GABRE: variants seen among roughly 807,000 people sequenced by gnomAD.
GABRE encodes gamma-aminobutyric acid type A receptor subunit epsilon.
GABRE carries 20 observed loss-of-function variants against 31.0 expected under a neutral mutation model. The observed-to-expected ratio is 0.64, with a 90% CI of 0.45 to 0.94. GABRE has a LOEUF of 0.94. Ranked by LOEUF, GABRE falls within the 40% of genes least tolerant of loss-of-function variation. GABRE has a pLI of 0.00. For missense variants in GABRE, 420 were observed against 410.7 expected (o/e 1.02, Z -0.20); for synonymous variants, 155 against 150.6 (o/e 1.03, Z -0.21).
intron 6 of GABRE, chrX:151,956,097 C>A (rs1235485147): frequency 5.0e-6 from 2 of 401,071 alleles, no homozygotes; most frequent in Admixed American, 8.7e-5. Flanking sequence ...GCTTCCTTCT[C>A]AGTTCACTGT....
chrX:151,955,880 T>A lies in GABRE; in HGVS notation c.785-20A>T. ...AGTCACCTGAAAGACACAAAAAACA[T>A]CACTGCATTACAGTGCTGACACGAC... On this transcript the variant is annotated intron_variant, in intron 6 of 8. Transcript: ENST00000370328. 1.7e-6 allele frequency: 2 copies of A among 1,208,351 alleles called. No individual in the cohort carries two copies. Among genetic ancestry groups the A allele is most frequent in the Non-Finnish European group, 2.2e-6 (2 of 892,590 alleles).
intron 1 of GABRE, chrX:151,972,753 A>G (rs1934750231): frequency 1.7e-6 from 1 of 589,547 alleles, no homozygotes; most frequent in East Asian, 1.7e-4. Context: ...AACAAAACAA[A>G]ACCTCATCTT....
At chrX:151,973,027 G>T (rs138277660) in intron 1 of GABRE, among the ~76,000 whole-genome samples, 1,224 of 86,357 alleles carry the variant, frequency 0.014, 7 homozygotes, top group Middle Eastern at 0.05. Flanking sequence ...CATAAGAAAA[G>T]ATGTTGGATT....
In GABRE at chrX:151,970,199, C is replaced by A. The variant is rs146390765; in HGVS notation, c.260G>T (p.Arg87Leu). ...TILSNYDHKLRPGIGEKPTVV... is the reference protein window; with the variant it reads ...TILSNYDHKLLPGIGEKPTVV... ...CTGCTCCTCACCTCCAATGCCAGGG[C>A]GCAGTTTGTGGTCATAATTACTCAG... is the stretch of plus-strand genomic sequence containing the variant. The change falls in exon 2 of 9, where the codon CGC (arginine) becomes CTC (leucine). Residue 87 changes from arginine (R) to leucine (L), a missense_variant. By Grantham distance (102) the Arg-to-Leu change is moderately radical. Transcript: ENST00000370328. The A allele has an allele frequency of 2.5e-6, 3 of 1,210,168 alleles. No individual in the cohort carries two copies. In the South Asian group the frequency reaches 5.3e-5, roughly 21 times the overall value.
chrX:151,954,655 C>T lies in GABRE; in HGVS notation c.*46G>A. 1.9e-6 allele frequency: 2 copies of T among 1,051,274 alleles called. No individual in the cohort carries two copies. The highest frequency in any genetic ancestry group is 4.5e-5 in the South Asian group (2 of 44,127). 86.6% of individuals were successfully genotyped at this position (1,051,274 alleles called of 1,213,427 possible). ...AACTCCCTTGGCAAGGGGCTTGGAC[C>T]TCCTGGGGAACTGGAGAGGTTGCCC... On this transcript the variant is annotated 3_prime_UTR_variant, in exon 9 of 9. Transcript: ENST00000370328.
At position 151,974,613 on chromosome X, in the gene GABRE, CT is replaced by C; in HGVS notation, c.12del (p.Val5PhefsTer6). 2.5e-6 allele frequency: 3 copies of C among 1,177,231 alleles called. No homozygotes were observed. The highest frequency in any genetic ancestry group is 3.4e-6 in the Non-Finnish European group (3 of 877,232). ...AAGATGCCTAGGAGGACTGGAAGAACTTTGGACAACATTTCCGCGGAGACCG... is the reference window on the plus strand; with the variant it reads ...AAGATGCCTAGGAGGACTGGAAGAACTTGGACAACATTTCCGCGGAGACCG... The part of the protein sequence containing the change: MLS[K>X]VLPVLLGILL... On this transcript the variant is annotated frameshift_variant, in exon 1 of 9. Transcript: ENST00000370328. LOFTEE classifies it high-confidence loss of function.
chrX:151,955,272 A>G lies in GABRE; in HGVS notation c.1137+96T>C, dbSNP rs907608658. 3 of 1,203,763 alleles carry G rather than the reference A, an allele frequency of 2.5e-6. No homozygotes were observed. In the African/African-American group the frequency reaches 5.3e-5, roughly 21 times the overall value. The stretch of plus-strand genomic sequence containing the variant: ...CACCCTGGGTAACATTCCATCACTC[A>G]GCAAGCTGACCACCCATGTGCCATA... On this transcript the variant is annotated intron_variant, in intron 8 of 8. Transcript: ENST00000370328.
At chrX:151,972,360 A>G (rs1934734062) in intron 1 of GABRE, 3 of 753,907 alleles carry the variant, frequency 4.0e-6, no homozygotes, top group Non-Finnish European at 4.7e-6. Flanking sequence ...ACTCCCAGCC[A>G]TCTCAAAAGA....
At chrX:151,966,736 G>C (rs1370601222) in intron 3 of GABRE, among the ~76,000 whole-genome samples, 1 of 112,157 alleles carries the variant, frequency 8.9e-6, no homozygotes, top group Non-Finnish European at 1.9e-5. Context: ...GGCATTTCAG[G>C]AAAATTTAAC....
At chrX:151,958,606 T>G (rs1569453640) in intron 6 of GABRE, 1 of 379,755 alleles carries the variant, frequency 2.6e-6, no homozygotes, top group South Asian at 2.4e-5. Flanking sequence ...GGCACCATTT[T>G]GAAACAATGC....
chrX:151,959,725 G>A (rs1483950006), intron 6 of GABRE, 114 bp downstream of exon 6: 3 of 801,342 alleles, frequency 3.7e-6, no homozygotes, highest in East Asian at 3.2e-5. Flanking sequence ...TTATAAGACA[G>A]GAGCCATGTC....
intron 3 of GABRE, 195 bp downstream of exon 3, chrX:151,969,474 T>C: frequency 3.0e-6 from 1 of 337,048 alleles, no homozygotes. Context: ...ATTCTGAAGA[T>C]CCTCTTCAAG....
At chrX:151,974,315 C>A (rs762854332) in intron 1 of GABRE, among the ~76,000 whole-genome samples, 1 of 111,735 alleles carries the variant, frequency 8.9e-6, no homozygotes, top group Non-Finnish European at 1.9e-5. Context: ...ACTGGAGTCC[C>A]GTCTTCCTTC....
At chrX:151,972,045 G>C in intron 1 of GABRE, 1 of 750,929 alleles carries the variant, frequency 1.3e-6, no homozygotes, top group Non-Finnish European at 1.6e-6. Flanking sequence ...CTTCCAAAAG[G>C]ATTTTTTTAA....
chrX:151,957,325 T>C (rs186988800), intron 6 of GABRE: 87 of 249,391 alleles, frequency 3.5e-4, no homozygotes, highest in Middle Eastern at 2.1e-3. Context: ...TCTCAGATTC[T>C]TCTGGAAGAA....
In GABRE at chrX:151,959,970, T is replaced by C; in HGVS notation, c.653A>G (p.Tyr218Cys). 8.3e-7 allele frequency: 1 copy of C among 1,208,546 alleles called. No homozygotes were observed. The highest frequency in any genetic ancestry group is 1.1e-6 in the Non-Finnish European group (1 of 894,233). ...SCPLSFSSFS[Y>C]PENEMIYKWE... ...CTTGTAGATCATCTCATTCTCAGGA[T>C]AGGAAACTGGAAAGGAATGTGAGAA... is the stretch of plus-strand genomic sequence containing the variant. The change falls in exon 6 of 9, where the codon TAT becomes TGT. Residue 218 changes from tyrosine (Y) to cysteine (C), a missense_variant. Physicochemically the swap from Tyr to Cys is radical, Grantham distance 194. Transcript: ENST00000370328.
chrX:151,959,927 A>C lies in GABRE; in HGVS notation c.696T>G (p.Leu232=), dbSNP rs138020133. 2.5e-6 allele frequency: 3 copies of C among 1,207,811 alleles called. No individual in the cohort carries two copies. Among genetic ancestry groups the C allele is most frequent in the Non-Finnish European group, 3.4e-6 (3 of 893,359 alleles). The change falls in exon 6 of 9, where the codon CTT becomes CTG. Residue 232 remains leucine, a synonymous_variant. Transcript: ENST00000370328. The part of the protein sequence containing the change: ...EMIYKWENFK[L]EINEKNSWKL... ...TCCAGGAGTTCTTCTCATTGATTTCAAGCTTGAAATTTTCCCACTTGTAGA... is the reference window on the plus strand; with the variant it reads ...TCCAGGAGTTCTTCTCATTGATTTCCAGCTTGAAATTTTCCCACTTGTAGA...
chrX:151,959,721 G>T, intron 6 of GABRE, 118 bp downstream of exon 6: 1 of 798,687 alleles, frequency 1.3e-6, no homozygotes, highest in Non-Finnish European at 1.9e-6. Context: ...GCAATTATAA[G>T]ACAGGAGCCA....
chrX:151,966,918 G>T (rs754216800), intron 3 of GABRE, among the ~76,000 whole-genome samples: 73 of 112,082 alleles, frequency 6.5e-4, no homozygotes, highest in Non-Finnish European at 1.3e-4. Flanking sequence ...ATTGTCAGGT[G>T]AGGCCACTGC....
Sources: gnomAD v4.1 joint callset for allele counts (sites outside exome capture counted in the v4.1 genomes callset) on GRCh38, gnomAD v4.1.1 for gene constraint, MANE v1.5 for transcripts, NCBI Gene and HGNC (gene_info 2026-07-23, HGNC 2026-07-21) for gene names.